DZIP1: variants seen among roughly 807,000 people sequenced by gnomAD.
DZIP1 encodes the protein DAZ interacting zinc finger protein 1.
A neutral mutation model predicts 107.6 loss-of-function variants in DZIP1; 97 were observed. The observed-to-expected ratio is 0.90, with a 90% confidence interval of 0.77 to 1.07. The LOEUF is 1.07. Among genes scored for constraint, DZIP1 ranks in the 50% least tolerant of loss-of-function variants. The probability of loss-of-function intolerance (pLI) is 0.00; values close to 1 mark genes in which losing one functional copy is unlikely to be tolerated. For missense variants in DZIP1, 1,035 were observed against 1,063.6 expected (o/e 0.97, Z 0.37); for synonymous variants, 390 against 386.4 (o/e 1.01, Z -0.11).
chr13:95,618,259 C>T (rs1037982958), intron 10 of DZIP1, among the ~76,000 whole-genome samples: 2 of 152,230 alleles, frequency 1.3e-5, no homozygotes, highest in Non-Finnish European at 2.9e-5. Context: ...CATTGTTCCA[C>T]ATCTCTTTTT....
At chr13:95,625,306 C>A (rs779657958) in intron 7 of DZIP1, among the ~76,000 whole-genome samples, 1 of 152,140 alleles carries the variant, frequency 6.6e-6, no homozygotes, top group Non-Finnish European at 1.5e-5. Context: ...GATAGTGTAA[C>A]TTCATCCCAC....
At chr13:95,614,918 T>C (rs1012355431) in intron 10 of DZIP1, among the ~76,000 whole-genome samples, 5 of 152,186 alleles carry the variant, frequency 3.3e-5, no homozygotes, top group Non-Finnish European at 7.3e-5. Flanking sequence ...AAATACAATA[T>C]GTGCATTGTG....
chr13:95,587,156 A>T (rs1051435709), intron 20 of DZIP1, among the ~76,000 whole-genome samples: 1 of 152,204 alleles, frequency 6.6e-6, no homozygotes, highest in Non-Finnish European at 1.5e-5. Flanking sequence ...GTGAGGATGC[A>T]CAAGAAGACA....
chr13:95,636,476 G>C (rs1220072626), intron 5 of DZIP1, among the ~76,000 whole-genome samples: 1 of 149,178 alleles, frequency 6.7e-6, no homozygotes. Flanking sequence ...CTGGGAGGTG[G>C]AGGTTGCAGT....
chr13:95,582,435 G>T, intron 22 of DZIP1, 122 bp from the exon 23 acceptor site: 1 of 827,828 alleles, frequency 1.2e-6, no homozygotes, highest in Non-Finnish European at 2.0e-6. Flanking sequence ...ATCTGTTCAT[G>T]AATCCTCATC....
intron 22 of DZIP1, 87 bp downstream of exon 22, chr13:95,584,649 A>T: frequency 6.6e-7 from 1 of 1,511,180 alleles, no homozygotes; most frequent in Non-Finnish European, 8.8e-7. Flanking sequence ...ATGATATACC[A>T]GCATAAGTTA....
intron 10 of DZIP1, among the ~76,000 whole-genome samples, chr13:95,612,398 A>C (rs764495048): frequency 6.6e-5 from 10 of 152,148 alleles, no homozygotes; most frequent in Non-Finnish European, 1.5e-4. Flanking sequence ...AATAGACAAC[A>C]CTGATAATGG....
rs932462774 is a variant in DZIP1 at position 95,578,487 on chromosome 13, C to T, written c.*3747G>A. 1 of 152,196 alleles carries T rather than the reference C, an allele frequency of 6.6e-6. No homozygotes were observed. Among genetic ancestry groups the T allele is most frequent in the Non-Finnish European group, 1.5e-5 (1 of 68,072 alleles). 9.4% of individuals were successfully genotyped at this position (152,196 alleles called of 1,614,324 possible). A position where few individuals can be genotyped will look rare whatever the true frequency, so the allele number is the denominator to read the frequency against. On this transcript the variant is annotated 3_prime_UTR_variant, in exon 23 of 23. Transcript: ENST00000376829. The stretch of plus-strand genomic sequence containing the variant: ...AGACATGTTACTGGCTGCACACAGG[C>T]AAATTCTAGTTTGTTTTTTTTAAGT...
intron 7 of DZIP1, among the ~76,000 whole-genome samples, chr13:95,628,729 A>G (rs1175059520): frequency 1.3e-5 from 2 of 152,204 alleles, no homozygotes; most frequent in Non-Finnish European, 2.9e-5. Flanking sequence ...GGCACACACT[A>G]CAACATAGAT....
chr13:95,598,085 A>C (rs1456238613), intron 15 of DZIP1, among the ~76,000 whole-genome samples: 1 of 152,240 alleles, frequency 6.6e-6, no homozygotes, highest in African/African-American at 2.4e-5. Context: ...AGAGTACCCC[A>C]AAATTTCCCT....
chr13:95,639,419 C>T (rs1389786147), intron 5 of DZIP1, among the ~76,000 whole-genome samples: 7 of 151,916 alleles, frequency 4.6e-5, no homozygotes, highest in African/African-American at 1.4e-4. Context: ...GGTGAAACCT[C>T]GTCTCTACTA....
chr13:95,595,210 C>A (rs2044412648), intron 15 of DZIP1, among the ~76,000 whole-genome samples: 1 of 152,134 alleles, frequency 6.6e-6, no homozygotes, highest in Non-Finnish European at 1.5e-5. Flanking sequence ...TTCTTAATAC[C>A]CATACTACTT....
In DZIP1 at chr13:95,580,939, T is replaced by C. The variant is rs2044003166; in HGVS notation, c.*1295A>G. On this transcript the variant is annotated 3_prime_UTR_variant, in exon 23 of 23. Transcript: ENST00000376829. ...GAAGGATTCTTTTAGAGGGCAGGAA[T>C]GGGCTACAAGTAAAAAGGATCCCAG... The C allele has an allele frequency of 6.6e-6, 1 of 152,238 alleles. No homozygotes were observed. Among genetic ancestry groups the C allele is most frequent in the Admixed American group, 6.5e-5 (1 of 15,286 alleles). 9.4% of individuals were successfully genotyped at this position (152,238 alleles called of 1,614,324 possible).
At position 95,600,294 on chromosome 13, in the gene DZIP1, T is replaced by C. The variant is rs151234150; in HGVS notation, c.1478-870A>G. 1.9e-3 allele frequency among the ~76,000 whole-genome samples: 291 copies of C among 152,252 alleles called. 1 individual carries two copies. The highest frequency in any genetic ancestry group is 3.4e-3 in the Middle Eastern group (1 of 294). On this transcript the variant is annotated intron_variant, in intron 14 of 22. Coordinates refer to ENST00000376829, the MANE Select transcript of DZIP1 (RefSeq NM_198968.4). Reference sequence around the variant, plus strand: ...GGTGCATGGTTCACTCACCTTCATCTTGGAGACTGATACAGTGCACTTCCC... The same window carrying C: ...GGTGCATGGTTCACTCACCTTCATCCTGGAGACTGATACAGTGCACTTCCC...
At chr13:95,587,432 G>A (rs929825388) in intron 20 of DZIP1, 107 bp downstream of exon 20, 9 of 1,464,214 alleles carry the variant, frequency 6.1e-6, no homozygotes, top group Admixed American at 2.0e-5. Flanking sequence ...CGCTGCATCT[G>A]TTCCTTGCAC....
At chr13:95,622,510 C>T (rs1876010279) in intron 8 of DZIP1, 30 bp from the exon 9 acceptor site, 1 of 1,613,168 alleles carries the variant, frequency 6.2e-7, no homozygotes, top group Non-Finnish European at 8.5e-7. Flanking sequence ...CTCAGTACTA[C>T]AGTTAGACTT....
rs1234395045 is a variant in DZIP1, at chr13:95,641,273, G to C, written c.597+22C>G. Reference sequence around the variant, plus strand: ...TGAGTTGTTTACTGGATTATGAATCGTGCTCACACACAGCTGCCCACCTGG... The same window carrying C: ...TGAGTTGTTTACTGGATTATGAATCCTGCTCACACACAGCTGCCCACCTGG... On this transcript the variant is annotated intron_variant, in intron 5 of 22. Coordinates refer to ENST00000376829, the MANE Select transcript of DZIP1 (RefSeq NM_198968.4). This position sits in a 1 kb window ranked among gnomAD's most constrained non-coding sequence, Gnocchi z 4.3. 2.6e-6 allele frequency: 4 copies of C among 1,551,682 alleles called. No individual in the cohort carries two copies.
At position 95,641,512 on chromosome 13, in the gene DZIP1, G is replaced by A. The variant is rs1272007405; in HGVS notation, c.380C>T (p.Thr127Ile). The change falls in exon 5 of 23, where the codon ACC becomes ATC. Residue 127 changes from threonine (T) to isoleucine (I), a missense_variant. Physicochemically the swap from Thr to Ile is moderately conservative, Grantham distance 89. Transcript: ENST00000376829. The surrounding 1 kb of genome is among the most constrained non-coding windows in gnomAD (Gnocchi z 4.3). ...LLKLIRLAQF[T>I]IEYLLHSQEF... ...TTGTGAGTGCAGCAAGTACTCGATG[G>A]TGAACTGCGCCAGACGGATGAGCTT... The A allele has an allele frequency of 2.5e-6, 4 of 1,613,946 alleles. No individual in the cohort carries two copies. The highest frequency in any genetic ancestry group is 3.4e-6 in the Non-Finnish European group (4 of 1,180,044).
intron 5 of DZIP1, among the ~76,000 whole-genome samples, chr13:95,634,881 TC>T (rs1171894959): frequency 1.3e-5 from 2 of 152,254 alleles, no homozygotes; most frequent in Non-Finnish European, 2.9e-5. Flanking sequence ...GAAAAAACAT[TC>T]GGTTTGTTTT....
Sources: allele counts gnomAD v4.1 joint callset (sites outside exome capture counted in the v4.1 genomes callset), GRCh38; gene constraint gnomAD v4.1.1; non-coding constraint Gnocchi (gnomAD v3.1); transcripts MANE v1.5; gene names NCBI Gene and HGNC (gene_info 2026-07-23, HGNC 2026-07-21).